The following SLCO1B1 variants were observed in gnomAD, a reference collection of about 807,000 sequenced individuals.
The protein encoded by SLCO1B1 is solute carrier organic anion transporter family member 1B1, also known as OATP-2.
A neutral mutation model predicts 70.1 loss-of-function variants in SLCO1B1; 81 were observed. The observed-to-expected ratio is 1.16, with a 90% CI of 0.97 to 1.39. The LOEUF (loss-of-function observed/expected upper bound fraction) is 1.39. Ranked by LOEUF, SLCO1B1 falls within the 40% of genes most tolerant of loss-of-function variation. The pLI is 0.00. For missense variants in SLCO1B1, 895 were observed against 799.6 expected (o/e 1.12, Z -1.44); for synonymous variants, 283 against 271.5 (o/e 1.04, Z -0.42).
intron 14 of SLCO1B1, among the ~76,000 whole-genome samples, chr12:21,226,986 T>C (rs1257779612): frequency 6.6e-6 from 1 of 152,092 alleles, no homozygotes; most frequent in African/African-American, 2.4e-5. Flanking sequence ...AGGATTGCAA[T>C]TAAAACTCAC....
In SLCO1B1 at chr12:21,200,630, C is replaced by T. The variant is rs751331705; in HGVS notation, c.1093C>T (p.Gln365Ter). 5.0e-6 allele frequency: 8 copies of T among 1,612,182 alleles called. 1 individual carries two copies. In the South Asian group the frequency reaches 6.6e-5, roughly 13 times the overall value. ...TACTTATGTCTTCAAATACGTAGAG[C>T]AACAGTATGGTCAGCCTTCATCTAA... ...AFTYVFKYVE[Q>*]QYGQPSSKAN... Residue 365 changes from glutamine to a stop codon, truncating the protein, a stop_gained, in exon 9 of 15, where the codon CAA becomes TAA. Transcript: ENST00000256958. LOFTEE classifies it high-confidence loss of function.
intron 14 of SLCO1B1, among the ~76,000 whole-genome samples, chr12:21,230,232 G>A (rs571262980): frequency 1.1e-4 from 17 of 150,376 alleles, no homozygotes; most frequent in Non-Finnish European, 2.4e-4. Context: ...TAGTCATGAT[G>A]TATACTATAT....
intron 14 of SLCO1B1, among the ~76,000 whole-genome samples, chr12:21,227,351 T>C (rs549553462): frequency 3.9e-5 from 6 of 152,118 alleles, no homozygotes; most frequent in Non-Finnish European, 8.8e-5. Context: ...ATGAAGAATG[T>C]GTATGGAGCA....
Position 21,176,872 on chromosome 12 carries a change from A to C in SLCO1B1, c.456A>C (p.Arg152Ser). Reference sequence around the variant, plus strand: ...TTAATCAAATTTTATCACTCAATAGAGCATCACCTGAGATAGTGGGAAAAG... The same window carrying C: ...TTAATCAAATTTTATCACTCAATAGCGCATCACCTGAGATAGTGGGAAAAG... The part of the protein sequence containing the change: ...CLINQILSLN[R>S]ASPEIVGKGC... The change falls in exon 5 of 15, where the codon AGA becomes AGC. Residue 152 changes from arginine (R) to serine (S), a missense_variant. Coordinates refer to ENST00000256958, the MANE Select transcript of SLCO1B1 (RefSeq NM_006446.5). 1 of 1,562,436 alleles carries C rather than the reference A, an allele frequency of 6.4e-7. No homozygotes were observed.
intron 7 of SLCO1B1, among the ~76,000 whole-genome samples, chr12:21,188,181 C>A (rs1224051596): frequency 6.6e-6 from 1 of 152,052 alleles, no homozygotes; most frequent in East Asian, 1.9e-4. Context: ...GAAATAGTTA[C>A]TGAATGTACT....
At chr12:21,141,739 A>T in intron 2 of SLCO1B1, 81 bp downstream of exon 2, 1 of 795,630 alleles carries the variant, frequency 1.3e-6, no homozygotes, top group African/African-American at 1.7e-5. Flanking sequence ...GTTAAAAAGA[A>T]CATTATGTTT....
At chr12:21,238,399 C>T (rs188372721) in intron 14 of SLCO1B1, among the ~76,000 whole-genome samples, 431 of 151,998 alleles carry the variant, frequency 2.8e-3, no homozygotes, top group Non-Finnish European at 4.6e-3. Flanking sequence ...GTTTTAAATT[C>T]CATTTTGAAA....
intron 7 of SLCO1B1, among the ~76,000 whole-genome samples, chr12:21,195,312 A>G (rs917972495): frequency 6.6e-6 from 1 of 152,214 alleles, no homozygotes; most frequent in Non-Finnish European, 1.5e-5. Flanking sequence ...GACAGTGGAC[A>G]GAGAAGCCCG....
At chr12:21,141,289 AC>A (rs1940303916) in intron 1 of SLCO1B1, among the ~76,000 whole-genome samples, 1 of 150,800 alleles carries the variant, frequency 6.6e-6, no homozygotes, top group South Asian at 2.1e-4. Flanking sequence ...ATTTCTCTCC[AC>A]AAATTTATTT....
chr12:21,208,204 T>G (rs1391625403), intron 11 of SLCO1B1, among the ~76,000 whole-genome samples: 1 of 152,016 alleles, frequency 6.6e-6, no homozygotes, highest in East Asian at 1.9e-4. Context: ...GTCACAAATT[T>G]TTTGCCAAGG....
intron 14 of SLCO1B1, 48 bp from the exon 15 acceptor site, chr12:21,238,931 A>G (rs1246509049): frequency 8.6e-7 from 1 of 1,158,692 alleles, no homozygotes. Context: ...TTAAGTTATT[A>G]CACACAATTT....
At chr12:21,204,812 G>T (rs1941195785) in intron 10 of SLCO1B1, among the ~76,000 whole-genome samples, 1 of 151,798 alleles carries the variant, frequency 6.6e-6, no homozygotes, top group Non-Finnish European at 1.5e-5. Flanking sequence ...CCTTCTCATT[G>T]TGTCCAGGCA....
chr12:21,138,451 A>T (rs180753330), intron 1 of SLCO1B1, among the ~76,000 whole-genome samples: 8 of 152,364 alleles, frequency 5.3e-5, no homozygotes, highest in African/African-American at 1.9e-4. Context: ...AAAATATGTT[A>T]AATGTCAAGG....
chr12:21,175,564 C>G (rs940158049), intron 4 of SLCO1B1, among the ~76,000 whole-genome samples: 4 of 152,112 alleles, frequency 2.6e-5, no homozygotes, highest in African/African-American at 9.7e-5. Flanking sequence ...ACACCAATTA[C>G]TTACTCATTG....
intron 14 of SLCO1B1, among the ~76,000 whole-genome samples, chr12:21,233,399 C>T (rs1358270444): frequency 6.6e-6 from 1 of 152,064 alleles, no homozygotes; most frequent in Non-Finnish European, 1.5e-5. Flanking sequence ...CGACTTCTAA[C>T]CAAGAATTCC....
intron 1 of SLCO1B1, among the ~76,000 whole-genome samples, chr12:21,140,238 A>G (rs1051399525): frequency 1.3e-5 from 2 of 152,086 alleles, no homozygotes; most frequent in East Asian, 1.9e-4. Context: ...TATAATATAT[A>G]TTAGACATAT....
In SLCO1B1 at chr12:21,184,880, C is replaced by A. The variant is rs578211227; in HGVS notation, c.727+5860C>A. Among the ~76,000 whole-genome samples, 71 of 152,184 alleles carry A rather than the reference C, an allele frequency of 4.7e-4. No individual in the cohort carries two copies. The South Asian group carries it at 0.014, about 31-fold the overall frequency. ...CTTTAAAAGACACATCTTACATGTA[C>A]AATACCCACAGGATCAAAGTAAAGG... is the stretch of plus-strand genomic sequence containing the variant. On this transcript the variant is annotated intron_variant, in intron 7 of 14. Transcript: ENST00000256958.
At chr12:21,169,686 G>C (rs1940733911) in intron 2 of SLCO1B1, among the ~76,000 whole-genome samples, 1 of 151,634 alleles carries the variant, frequency 6.6e-6, no homozygotes, top group South Asian at 2.1e-4. Flanking sequence ...CTAATTTCAA[G>C]TTCTATGTCT....
At chr12:21,213,671 G>C (rs1184675695) in intron 11 of SLCO1B1, among the ~76,000 whole-genome samples, 2,320 of 94,046 alleles carry the variant, frequency 0.025, no homozygotes, top group East Asian at 0.027. Context: ...TTCCAACTTG[G>C]TTCCATTCTC....
Sources: allele counts gnomAD v4.1 joint callset (sites outside exome capture counted in the v4.1 genomes callset), GRCh38; gene constraint gnomAD v4.1.1; transcripts MANE v1.5; gene names NCBI Gene and HGNC (gene_info 2026-07-23, HGNC 2026-07-21).